Variants in TSPOAP1 observed in about 807,000 individuals in gnomAD.
TSPOAP1 encodes TSPO associated protein 1, also known as peripheral-type benzodiazepine receptor-associated protein 1.
In TSPOAP1, 87 loss-of-function variants were observed where a neutral mutation model predicts 197.0. The ratio of observed to expected loss-of-function variants is 0.44; its 90% CI spans 0.37 to 0.53. The LOEUF (loss-of-function observed/expected upper bound fraction) is 0.53. Among genes scored for constraint, TSPOAP1 ranks in the 20% least tolerant of loss-of-function variants. TSPOAP1 has a pLI of 0.00. For synonymous variants in TSPOAP1, 913 were observed against 998.9 expected (o/e 0.91, Z 1.62); for missense variants, 2,174 against 2,411.3 (o/e 0.90, Z 2.06).
At chr17:58,308,422 C>T (rs969036704) in intron 22 of TSPOAP1, 119 bp downstream of exon 22, 21 of 1,430,498 alleles carry the variant, frequency 1.5e-5, no homozygotes, top group African/African-American at 1.3e-4. Flanking sequence ...CCCGGAGGCC[C>T]GGCCCCACCT....
Position 58,304,814 on chromosome 17 carries a change from G to A in TSPOAP1, c.5544+247C>T. The A allele has an allele frequency of 3.2e-6, 2 of 626,400 alleles. No homozygotes were observed. The highest frequency in any genetic ancestry group is 5.9e-6 in the Non-Finnish European group (2 of 340,180). 38.8% of individuals were successfully genotyped at this position (626,400 alleles called of 1,614,324 possible). A position where few individuals can be genotyped will look rare whatever the true frequency, so the allele number is the denominator to read the frequency against. ...CACCTGCGTCAGCCACCAGGTGTTGGCAGCTGGCGAGATGGCCTGAGGGTC... is the reference window on the plus strand; with the variant it reads ...CACCTGCGTCAGCCACCAGGTGTTGACAGCTGGCGAGATGGCCTGAGGGTC... On this transcript the variant is annotated intron_variant, in intron 30 of 31. Transcript: ENST00000343736. The surrounding 1 kb of genome is among the most constrained non-coding windows in gnomAD (Gnocchi z 4.2).
chr17:58,304,939 G>A lies in TSPOAP1; in HGVS notation c.5544+122C>T. ...GTGGTCAATTAGCGGCTGCACGCTG[G>A]ACACAGTGCTTACCTGCATGACCAC... On this transcript the variant is annotated intron_variant, in intron 30 of 31. Coordinates refer to ENST00000343736, the MANE Select transcript of TSPOAP1 (RefSeq NM_004758.4). This position sits in a 1 kb window ranked among gnomAD's most constrained non-coding sequence, Gnocchi z 4.2. 2 of 775,986 alleles carry A rather than the reference G, an allele frequency of 2.6e-6. No homozygotes were observed. Among genetic ancestry groups the A allele is most frequent in the Non-Finnish European group, 4.6e-6 (2 of 433,888 alleles). The allele number at this position is 775,986 out of a possible 1,614,324, so 48.1% of individuals were successfully genotyped here.
At chr17:58,320,265 A>C in intron 11 of TSPOAP1, 136 bp from the exon 12 acceptor site, 1 of 1,114,776 alleles carries the variant, frequency 9.0e-7, no homozygotes, top group Non-Finnish European at 1.3e-6. Context: ...CAGTTCCTAA[A>C]TGGAAGGATA....
Position 58,310,927 on chromosome 17 carries a change from C to A in TSPOAP1, c.3368G>T (p.Gly1123Val). Residue 1123 changes from glycine to valine, a missense_variant, in exon 19 of 32, where the codon GGA (glycine) becomes GTA (valine). Physicochemically the swap from Gly to Val is moderately radical, Grantham distance 109 (BLOSUM62 -3). Around this residue, in one of 5 missense-constraint regions of TSPOAP1, gnomAD observed 1,933 missense variants for 2,139.0 expected, o/e 0.90. Transcript: ENST00000343736. Reference sequence around the variant, plus strand: ...GGGTGCTCCTGGAGGCTCTTGAGTTCCAAGGGGAGCAGGGTGCTGGAGAGG... The same window carrying A: ...GGGTGCTCCTGGAGGCTCTTGAGTTACAAGGGGAGCAGGGTGCTGGAGAGG... ...SSPLQHPAPL[G>V]TQEPPGAPPA... is the part of the protein sequence containing the mutation. 6.4e-7 allele frequency: 1 copy of A among 1,557,908 alleles called. No homozygotes were observed. Among genetic ancestry groups the A allele is most frequent in the Middle Eastern group, 1.7e-4 (1 of 5,772 alleles).
In TSPOAP1 at chr17:58,324,574, C is replaced by A. The variant is rs1971512655; in HGVS notation, c.942+237G>T. On this transcript the variant is annotated intron_variant, in intron 5 of 31. Coordinates refer to ENST00000343736, the MANE Select transcript of TSPOAP1 (RefSeq NM_004758.4). This position sits in a 1 kb window ranked among gnomAD's most constrained non-coding sequence, Gnocchi z 5.8. ...GGGCGGCCGGCCAGGCCCCGCTGGGCGCAGGCCTATGGAGGGCGGAACCCT... is the reference window on the plus strand; with the variant it reads ...GGGCGGCCGGCCAGGCCCCGCTGGGAGCAGGCCTATGGAGGGCGGAACCCT... Among the ~76,000 whole-genome samples, 1 of 151,996 alleles carries A rather than the reference C, an allele frequency of 6.6e-6. No individual in the cohort carries two copies. The highest frequency in any genetic ancestry group is 1.5e-5 in the Non-Finnish European group (1 of 67,920).
In TSPOAP1 at chr17:58,318,297, A is replaced by G. The variant is rs1395400630; in HGVS notation, c.1855T>C (p.Ser619Pro). Reference protein sequence around the residue: ...HSESIHNSPKSCPTPEVDTAS... With the variant: ...HSESIHNSPKPCPTPEVDTAS... ...GCAATTACCTCAGGTGTAGGGCATG[A>G]CTTGGGGCTGTTGTGGATGGACTCG... The change falls in exon 14 of 32, where the codon TCA (serine) becomes CCA (proline). Residue 619 changes from serine (S) to proline (P), a missense_variant. Transcript: ENST00000343736. 2 of 1,614,156 alleles carry G rather than the reference A, an allele frequency of 1.2e-6. No homozygotes were observed. Among genetic ancestry groups the G allele is most frequent in the Admixed American group, 3.3e-5 (2 of 60,022 alleles).
rs1298212307 is a variant in TSPOAP1, at chr17:58,326,541, A to T, written c.442-120T>A. On this transcript the variant is annotated intron_variant, in intron 2 of 31. Coordinates refer to ENST00000343736, the MANE Select transcript of TSPOAP1 (RefSeq NM_004758.4). The surrounding 1 kb of genome is among the most constrained non-coding windows in gnomAD (Gnocchi z 4.7). ...AGTGGGGTCCTTGGCAACTCTAGGC[A>T]GGGGTTCACCCTCTCTGGGTCTCAG... 2 of 1,544,372 alleles carry T rather than the reference A, an allele frequency of 1.3e-6. No individual in the cohort carries two copies. The highest frequency in any genetic ancestry group is 1.8e-6 in the Non-Finnish European group (2 of 1,137,820).
rs1329248484 is a variant in TSPOAP1, at chr17:58,324,391, C to T, written c.942+420G>A. The stretch of plus-strand genomic sequence containing the variant: ...GCCGGGGCGGACGCACCGCCGCCCC[C>T]GGGTAGCTGGGGCCAGGCCTGGCCA... On this transcript the variant is annotated intron_variant, in intron 5 of 31. Coordinates refer to ENST00000343736, the MANE Select transcript of TSPOAP1 (RefSeq NM_004758.4). This position sits in a 1 kb window ranked among gnomAD's most constrained non-coding sequence, Gnocchi z 5.8. Among the ~76,000 whole-genome samples, 1 of 152,182 alleles carries T rather than the reference C, an allele frequency of 6.6e-6. No individual in the cohort carries two copies. The highest frequency in any genetic ancestry group is 6.5e-5 in the Admixed American group (1 of 15,302).
Position 58,308,686 on chromosome 17 carries a change from C to A in TSPOAP1, c.4586G>T (p.Gly1529Val). 6.2e-7 allele frequency: 1 copy of A among 1,612,854 alleles called. No homozygotes were observed. Residue 1529 changes from glycine to valine, a missense_variant, in exon 22 of 32, where the codon GGC becomes GTC. Gly to Val is a moderately radical substitution (Grantham distance 109). Around this residue, in one of 5 missense-constraint regions of TSPOAP1, gnomAD observed 1,933 missense variants for 2,139.0 expected, o/e 0.90. Transcript: ENST00000343736. The part of the protein sequence containing the change: ...SCYPGDGEAW[G>V]TATVGRPRGP... ...CCTGGGCCTTCCTACAGTTGCTGTGCCCCAGGCCTCCCCATCTCCAGGGTA... is the reference window on the plus strand; with the variant it reads ...CCTGGGCCTTCCTACAGTTGCTGTGACCCAGGCCTCCCCATCTCCAGGGTA...
At chr17:58,323,252 G>A (rs369916359) in intron 7 of TSPOAP1, 46 bp downstream of exon 7, 59 of 1,606,780 alleles carry the variant, frequency 3.7e-5, no homozygotes, top group South Asian at 1.2e-4. Context: ...CTGGCTGGCC[G>A]GGGTGAAGGG....
chr17:58,326,010 G>A lies in TSPOAP1; in HGVS notation c.570+283C>T, dbSNP rs1288525239. On this transcript the variant is annotated intron_variant, in intron 3 of 31. Transcript: ENST00000343736. This position sits in a 1 kb window ranked among gnomAD's most constrained non-coding sequence, Gnocchi z 4.7. ...TCTATACCCTGAGATGAGCTCAGCA[G>A]AAGGCTGCCGCCAGCACCAGCACGT... 1.3e-5 allele frequency among the ~76,000 whole-genome samples: 2 copies of A among 152,190 alleles called. No homozygotes were observed. Among genetic ancestry groups the A allele is most frequent in the Non-Finnish European group, 2.9e-5 (2 of 68,020 alleles).
chr17:58,311,336 C>T, intron 18 of TSPOAP1, 123 bp from the exon 19 acceptor site: 1 of 1,397,836 alleles, frequency 7.2e-7, no homozygotes, highest in Non-Finnish European at 9.7e-7. Context: ...AGGTACTGTG[C>T]TAAGCCCTCT....
rs919936022 is a variant in TSPOAP1, at chr17:58,311,502, G to A, written c.3081+69C>T. On this transcript the variant is annotated intron_variant, in intron 18 of 31. Coordinates refer to ENST00000343736, the MANE Select transcript of TSPOAP1 (RefSeq NM_004758.4). ...GGGCATCTCCGTGCCAAGCCAGAGA[G>A]CCTAGACCTCTGAGCATAGCAAGAA... is the stretch of plus-strand genomic sequence containing the variant. The A allele has an allele frequency of 4.0e-6, 6 of 1,513,948 alleles. No individual in the cohort carries two copies. The African/African-American group carries it at 7.0e-5, about 18-fold the overall frequency. 93.8% of individuals were successfully genotyped at this position (1,513,948 alleles called of 1,614,324 possible).
chr17:58,320,966 C>A (rs1379799977), intron 10 of TSPOAP1, among the ~76,000 whole-genome samples: 1 of 152,070 alleles, frequency 6.6e-6, no homozygotes, highest in Non-Finnish European at 1.5e-5. Flanking sequence ...AGTGCTGGGC[C>A]CAGTTTATAT....
intron 11 of TSPOAP1, 151 bp from the exon 12 acceptor site, chr17:58,320,280 A>G: frequency 9.7e-7 from 1 of 1,026,064 alleles, no homozygotes; most frequent in Non-Finnish European, 1.5e-6. Flanking sequence ...AGGATATCTC[A>G]GGGTGAAGGC....
rs754420333 is a variant in TSPOAP1, at chr17:58,312,224, C to T, written c.2597G>A (p.Gly866Asp). 1.2e-6 allele frequency: 2 copies of T among 1,612,808 alleles called. No homozygotes were observed. Among genetic ancestry groups the T allele is most frequent in the Admixed American group, 1.7e-5 (1 of 59,992 alleles). ...HISVQALTSR[G>D]SSDPLRCCLA... is the part of the protein sequence containing the mutation. ...GCAACAGCGCAGTGGGTCAGAGCTG[C>T]CCCGGCTAGTCAGGGCCTGGACAGA... The change falls in exon 17 of 32, where the codon GGC (glycine) becomes GAC (aspartate). Residue 866 changes from glycine (G) to aspartate (D), a missense_variant. Gly to Asp is a moderately conservative substitution (Grantham distance 94, BLOSUM62 -1). Coordinates refer to ENST00000343736, the MANE Select transcript of TSPOAP1 (RefSeq NM_004758.4).
In TSPOAP1 at chr17:58,312,227, C is replaced by T. The variant is rs757521869; in HGVS notation, c.2594G>A (p.Arg865Gln). Residue 865 changes from arginine (R) to glutamine (Q), a missense_variant, in exon 17 of 32, where the codon CGG becomes CAG. Arg to Gln is a conservative substitution (Grantham distance 43). Around this residue, in one of 5 missense-constraint regions of TSPOAP1, gnomAD observed 1,933 missense variants for 2,139.0 expected, o/e 0.90. Coordinates refer to ENST00000343736, the MANE Select transcript of TSPOAP1 (RefSeq NM_004758.4). ...LHISVQALTS[R>Q]GSSDPLRCCL... ...ACAGCGCAGTGGGTCAGAGCTGCCC[C>T]GGCTAGTCAGGGCCTGGACAGAAAT... The T allele has an allele frequency of 5.0e-6, 8 of 1,612,766 alleles. No individual in the cohort carries two copies. Among genetic ancestry groups the T allele is most frequent in the East Asian group, 2.2e-5 (1 of 44,868 alleles).
chr17:58,324,211 C>G lies in TSPOAP1; in HGVS notation c.942+600G>C, dbSNP rs1971494515. On this transcript the variant is annotated intron_variant, in intron 5 of 31. Coordinates refer to ENST00000343736, the MANE Select transcript of TSPOAP1 (RefSeq NM_004758.4). This position sits in a 1 kb window ranked among gnomAD's most constrained non-coding sequence, Gnocchi z 5.8. ...ATCACTGCCTGGTCTCTCCTCCCAG[C>G]CCTCTTCCCAGAAGGAGGAGGACCT... Among the ~76,000 whole-genome samples, 1 of 152,190 alleles carries G rather than the reference C, an allele frequency of 6.6e-6. No individual in the cohort carries two copies. Among genetic ancestry groups the G allele is most frequent in the Non-Finnish European group, 1.5e-5 (1 of 68,024 alleles).
intron 12 of TSPOAP1, 137 bp from the exon 13 acceptor site, chr17:58,319,431 C>T (rs79349160): frequency 3.3e-6 from 3 of 921,850 alleles, no homozygotes; most frequent in South Asian, 1.8e-5. Flanking sequence ...CCAGCCTTGC[C>T]TTGGCCACCC....
Sources: allele counts gnomAD v4.1 joint callset (sites outside exome capture counted in the v4.1 genomes callset), GRCh38; gene constraint gnomAD v4.1.1; regional missense constraint gnomAD v4.1.1; non-coding constraint Gnocchi (gnomAD v3.1); transcripts MANE v1.5; gene names NCBI Gene and HGNC (gene_info 2026-07-23, HGNC 2026-07-21).